The following CUX2 variants were observed in gnomAD, a reference collection of about 807,000 sequenced individuals.
CUX2 encodes the protein homeobox protein cut-like 2.
In CUX2, 40 loss-of-function variants were observed where a neutral mutation model predicts 144.8. The ratio of observed to expected loss-of-function variants is 0.28; its 90% CI spans 0.21 to 0.36. The LOEUF is 0.36. CUX2 is among the 10% of genes least tolerant of loss of function. The pLI, the probability that CUX2 is intolerant of heterozygous loss-of-function variation, is 1.00. For synonymous variants in CUX2, 827 were observed against 875.6 expected, an observed-to-expected ratio of 0.94 and a Z score of 0.98; for missense variants, 1,615 against 1,994.0, an observed-to-expected ratio of 0.81 and a Z score of 3.62.
intron 3 of CUX2, among the ~76,000 whole-genome samples, chr12:111,258,556 C>T (rs1462692852): frequency 4.0e-5 from 6 of 151,664 alleles, no homozygotes; most frequent in Admixed American, 1.3e-4. Flanking sequence ...CCTGGCCTTC[C>T]ACAGACAGCC....
chr12:111,105,894 C>A (rs568889682), intron 1 of CUX2, among the ~76,000 whole-genome samples: 12 of 149,620 alleles, frequency 8.0e-5, no homozygotes, highest in African/African-American at 3.0e-4. Context: ...AGACAGAGTC[C>A]CTCTCTGTTG....
At chr12:111,146,262 G>A (rs1876662848) in intron 1 of CUX2, among the ~76,000 whole-genome samples, 1 of 152,182 alleles carries the variant, frequency 6.6e-6, no homozygotes, top group Non-Finnish European at 1.5e-5. Context: ...TTGGACAAAT[G>A]TATGACGACG....
Position 111,295,101 on chromosome 12 carries a change from C to T in CUX2, c.561-232C>T, listed in dbSNP as rs1190057158. 1.3e-5 allele frequency among the ~76,000 whole-genome samples: 2 copies of T among 152,120 alleles called. No homozygotes were observed. The highest frequency in any genetic ancestry group is 2.9e-5 in the Non-Finnish European group (2 of 68,036). Reference sequence around the variant, plus strand: ...GGTTGCTTGCTACTGTAAATTTTGCCCCTAAAAATCCTGGCAGAAACTAAC... The same window carrying T: ...GGTTGCTTGCTACTGTAAATTTTGCTCCTAAAAATCCTGGCAGAAACTAAC... On this transcript the variant is annotated intron_variant, in intron 6 of 21. Coordinates refer to ENST00000261726, the MANE Select transcript of CUX2 (RefSeq NM_015267.4). This position sits in a 1 kb window ranked among gnomAD's most constrained non-coding sequence, Gnocchi z 5.0.
At position 111,186,596 on chromosome 12, in the gene CUX2, C is replaced by A. The variant is rs1198682716; in HGVS notation, c.64-27604C>A. Among the ~76,000 whole-genome samples the A allele has an allele frequency of 1.3e-5, 2 of 152,194 alleles. No homozygotes were observed. The highest frequency in any genetic ancestry group is 2.4e-5 in the African/African-American group (1 of 41,452). On this transcript the variant is annotated intron_variant, in intron 1 of 21. Coordinates refer to ENST00000261726, the MANE Select transcript of CUX2 (RefSeq NM_015267.4). The surrounding 1 kb of genome is among the most constrained non-coding windows in gnomAD (Gnocchi z 4.4). ...GGGCGACTCTGTGGCGTGAGGCTCGCAGCTGCACAGAGGCAGGGTCCCTGG... is the reference window on the plus strand; with the variant it reads ...GGGCGACTCTGTGGCGTGAGGCTCGAAGCTGCACAGAGGCAGGGTCCCTGG...
intron 1 of CUX2, among the ~76,000 whole-genome samples, chr12:111,091,454 A>G (rs1872546967): frequency 6.6e-6 from 1 of 152,182 alleles, no homozygotes; most frequent in Non-Finnish European, 1.5e-5. Context: ...AACAGAGATC[A>G]GGCCATCGAG....
At chr12:111,237,023 C>A (rs1427065217) in intron 3 of CUX2, among the ~76,000 whole-genome samples, 2 of 152,118 alleles carry the variant, frequency 1.3e-5, no homozygotes, top group African/African-American at 2.4e-5. Flanking sequence ...GTGACATGTG[C>A]CTGTAGTCCT....
At chr12:111,328,982 T>TCTCTCTCTCTCTCTCCCCCCC (rs1887963639) in intron 18 of CUX2, among the ~76,000 whole-genome samples, 1 of 78,226 alleles carries the variant, frequency 1.3e-5, no homozygotes, top group Non-Finnish European at 2.3e-5. Context: ...TCTCCCCCTC[T>TCTCTCTCTCTCTCTCCCCCCC]CTCCCTCTCT....
At position 111,265,783 on chromosome 12, in the gene CUX2, C is replaced by T. The variant is rs999966700; in HGVS notation, c.301+1944C>T. 5.3e-5 allele frequency among the ~76,000 whole-genome samples: 8 copies of T among 152,170 alleles called. 1 individual carries two copies. The highest frequency in any genetic ancestry group is 2.6e-4 in the Admixed American group (4 of 15,272). ...GGCCTTGCTGTGCTAACTCTCCCCA[C>T]CCAGACCTCTCCCAGTCCTTTCCCC... On this transcript the variant is annotated intron_variant, in intron 4 of 21. Transcript: ENST00000261726.
Position 111,071,615 on chromosome 12 carries a change from A to G in CUX2, c.63+37375A>G, listed in dbSNP as rs892481436. 3.3e-5 allele frequency among the ~76,000 whole-genome samples: 5 copies of G among 152,196 alleles called. No homozygotes were observed. The East Asian group carries it at 7.7e-4, about 23-fold the overall frequency. On this transcript the variant is annotated intron_variant, in intron 1 of 21. Transcript: ENST00000261726. Reference sequence around the variant, plus strand: ...CCAGGAGCAGAAGTTTTTAATTTTAATGAAGTCTGGCTTATCAAGAATTTA... The same window carrying G: ...CCAGGAGCAGAAGTTTTTAATTTTAGTGAAGTCTGGCTTATCAAGAATTTA...
At chr12:111,327,115 C>T (rs763570464) in intron 18 of CUX2, among the ~76,000 whole-genome samples, 1 of 152,150 alleles carries the variant, frequency 6.6e-6, no homozygotes, top group African/African-American at 2.4e-5. Flanking sequence ...CCTGGAATTC[C>T]GCTTTCTTTC....
chr12:111,167,582 C>G (rs1465073594), intron 1 of CUX2, among the ~76,000 whole-genome samples: 1 of 152,234 alleles, frequency 6.6e-6, no homozygotes, highest in Non-Finnish European at 1.5e-5. Context: ...GCAGATTTAC[C>G]ACGTTGTCAG....
intron 3 of CUX2, among the ~76,000 whole-genome samples, chr12:111,244,409 C>T (rs912744888): frequency 6.6e-6 from 1 of 152,238 alleles, no homozygotes; most frequent in Non-Finnish European, 1.5e-5. Flanking sequence ...TGTGCTTTCT[C>T]CAGCTCCCCA....
intron 1 of CUX2, among the ~76,000 whole-genome samples, chr12:111,083,476 A>T (rs951873053): frequency 6.6e-6 from 1 of 151,928 alleles, no homozygotes; most frequent in African/African-American, 2.4e-5. Context: ...GAGCTTGAGG[A>T]CCCCAGAGTC....
At chr12:111,193,073 G>T (rs1879996612) in intron 1 of CUX2, among the ~76,000 whole-genome samples, 1 of 152,242 alleles carries the variant, frequency 6.6e-6, no homozygotes, top group Non-Finnish European at 1.5e-5. Flanking sequence ...AATGAGTTGG[G>T]TGAAGGAAAG....
chr12:111,312,031 AC>A lies in CUX2; in HGVS notation c.1901-65del. On this transcript the variant is annotated intron_variant, in intron 15 of 21. Transcript: ENST00000261726. The surrounding 1 kb of genome is among the most constrained non-coding windows in gnomAD (Gnocchi z 4.3). The stretch of plus-strand genomic sequence containing the variant: ...TCTGGGAGGAGGAGACAGCCCCCCT[AC>A]CCCACCAGGCTCCGGAGACTGAGCC... 7.1e-7 allele frequency: 1 copy of A among 1,400,452 alleles called. No individual in the cohort carries two copies. The highest frequency in any genetic ancestry group is 9.9e-7 in the Non-Finnish European group (1 of 1,012,330). 86.8% of individuals were successfully genotyped at this position (1,400,452 alleles called of 1,614,324 possible).
chr12:111,163,473 C>T (rs112241918), intron 1 of CUX2, among the ~76,000 whole-genome samples: 3,928 of 152,210 alleles, frequency 0.026, 183 homozygotes, highest in African/African-American at 0.09. Context: ...TTTTTACCTG[C>T]GGGAGGATGT....
At chr12:111,157,946 G>A (rs1405225007) in intron 1 of CUX2, among the ~76,000 whole-genome samples, 2 of 152,162 alleles carry the variant, frequency 1.3e-5, no homozygotes, top group African/African-American at 4.8e-5. Flanking sequence ...TGAATGCCAT[G>A]TTGTCTCCAC....
chr12:111,335,529 G>A (rs1888313676), intron 19 of CUX2, among the ~76,000 whole-genome samples: 1 of 152,116 alleles, frequency 6.6e-6, no homozygotes, highest in African/African-American at 2.4e-5. Context: ...TGGCCAACAT[G>A]GTGAAACCCC....
chr12:111,259,031 C>CTGTGTGTGTGTGTGTG (rs57814010), intron 3 of CUX2, among the ~76,000 whole-genome samples: 43 of 132,302 alleles, frequency 3.3e-4, no homozygotes, highest in African/African-American at 5.4e-4. Context: ...CCACACCCAG[C>CTGTGTGTGTGTGTGTG]TGTGTGTGTG....
Sources: allele counts gnomAD v4.1 joint callset (sites outside exome capture counted in the v4.1 genomes callset), GRCh38; gene constraint gnomAD v4.1.1; non-coding constraint Gnocchi (gnomAD v3.1); transcripts MANE v1.5; gene names NCBI Gene and HGNC (gene_info 2026-07-23, HGNC 2026-07-21).